The following NRXN3 variants were observed in gnomAD, a reference collection of about 807,000 sequenced individuals.
NRXN3 encodes neurexin 3.
NRXN3 carries 32 observed loss-of-function variants against 137.6 expected under a neutral mutation model. The observed-to-expected ratio is 0.23, with a 90% confidence interval of 0.18 to 0.31. NRXN3 has a LOEUF of 0.31. Among genes scored for constraint, NRXN3 ranks in the 10% least tolerant of loss-of-function variants. The probability of loss-of-function intolerance (pLI) is 1.00; values close to 1 mark genes in which losing one functional copy is unlikely to be tolerated. For synonymous variants in NRXN3, 798 were observed against 784.5 expected (o/e 1.02, Z -0.29); for missense variants, 1,574 against 2,062.5 (o/e 0.76, Z 4.59).
At chr14:78,876,139 C>T (rs2099113452) in intron 10 of NRXN3, among the ~76,000 whole-genome samples, 1 of 152,170 alleles carries the variant, frequency 6.6e-6, no homozygotes, top group Non-Finnish European at 1.5e-5. Flanking sequence ...TCAGCAAAGC[C>T]TGGTTTTCTT....
intron 8 of NRXN3, among the ~76,000 whole-genome samples, chr14:78,797,266 G>A (rs1368717032): frequency 1.3e-5 from 2 of 152,152 alleles, no homozygotes; most frequent in African/African-American, 2.4e-5. Context: ...GAGGAACAGG[G>A]TTAGTGTCCA....
chr14:78,644,412 T>C (rs913006047), intron 4 of NRXN3, among the ~76,000 whole-genome samples: 1 of 152,138 alleles, frequency 6.6e-6, no homozygotes, highest in Non-Finnish European at 1.5e-5. Context: ...TCTGTGGCCA[T>C]AGGATAGTCC....
chr14:79,853,437 G>C, intron 20 of NRXN3: 1 of 368,422 alleles, frequency 2.7e-6, no homozygotes, highest in Non-Finnish European at 4.5e-6. Context: ...TTGCAGCTTA[G>C]GGTGTGTGAG....
chr14:79,008,948 C>T (rs1384611322), intron 15 of NRXN3, among the ~76,000 whole-genome samples: 4 of 152,124 alleles, frequency 2.6e-5, no homozygotes, highest in African/African-American at 4.8e-5. Flanking sequence ...TGAGCCACCA[C>T]GCCTGGCCTG....
At chr14:79,467,505 G>A in intron 16 of NRXN3, 103 bp downstream of exon 16, 3 of 1,014,152 alleles carry the variant, frequency 3.0e-6, no homozygotes, top group Non-Finnish European at 4.2e-6. Flanking sequence ...TGGCAAAGGT[G>A]CACATGCTTA....
chr14:78,846,590 T>C (rs1478781953), intron 10 of NRXN3, among the ~76,000 whole-genome samples: 2 of 152,146 alleles, frequency 1.3e-5, no homozygotes, highest in East Asian at 1.9e-4. Flanking sequence ...CATGAATTCC[T>C]TTATCTTTCC....
chr14:78,992,339 G>C (rs1350063176), intron 15 of NRXN3, among the ~76,000 whole-genome samples: 3 of 152,206 alleles, frequency 2.0e-5, no homozygotes, highest in Non-Finnish European at 4.4e-5. Context: ...TGGCTATTCA[G>C]AGGGTGAGCA....
At chr14:79,638,354 T>C (rs563465145) in intron 16 of NRXN3, among the ~76,000 whole-genome samples, 52 of 152,178 alleles carry the variant, frequency 3.4e-4, no homozygotes, top group Non-Finnish European at 1.8e-4. Flanking sequence ...TCTACTTATG[T>C]GATCTTATTC....
intron 15 of NRXN3, among the ~76,000 whole-genome samples, chr14:79,376,162 T>C (rs1310835696): frequency 6.9e-6 from 1 of 145,360 alleles, no homozygotes; most frequent in Non-Finnish European, 1.5e-5. Flanking sequence ...TATGTGTATA[T>C]ATGCAAGATA....
chr14:78,429,186 C>T (rs895274323), intron 4 of NRXN3, among the ~76,000 whole-genome samples: 13 of 152,012 alleles, frequency 8.6e-5, no homozygotes, highest in African/African-American at 1.7e-4. Context: ...AAGCAATTCT[C>T]GTGCCTCTGC....
intron 15 of NRXN3, among the ~76,000 whole-genome samples, chr14:79,163,685 T>C (rs1045032132): frequency 6.6e-6 from 1 of 151,870 alleles, no homozygotes; most frequent in Non-Finnish European, 1.5e-5. Flanking sequence ...GCTGTGTGAA[T>C]ATTATAACTG....
intron 1 of NRXN3, among the ~76,000 whole-genome samples, chr14:78,226,820 C>A (rs2064737741): frequency 6.6e-6 from 1 of 152,106 alleles, no homozygotes; most frequent in Non-Finnish European, 1.5e-5. Flanking sequence ...GGGGCTTCTA[C>A]CTTTTGAGGA....
At chr14:78,926,854 T>C (rs1287787192) in intron 10 of NRXN3, among the ~76,000 whole-genome samples, 3 of 24,826 alleles carry the variant, frequency 1.2e-4, no homozygotes, top group Non-Finnish European at 1.8e-4. Flanking sequence ...TAATATATTA[T>C]ATATATAATA....
At chr14:79,706,945 C>T (rs563930655) in intron 19 of NRXN3, among the ~76,000 whole-genome samples, 2 of 152,258 alleles carry the variant, frequency 1.3e-5, no homozygotes, top group South Asian at 4.1e-4. Context: ...TTTATGCACT[C>T]TTAACCTGTC....
intron 4 of NRXN3, among the ~76,000 whole-genome samples, chr14:78,415,443 G>T (rs1035940474): frequency 1.3e-5 from 2 of 152,038 alleles, no homozygotes; most frequent in African/African-American, 4.8e-5. Flanking sequence ...TGGGTAAGCC[G>T]TCCAGTTAGT....
intron 3 of NRXN3, among the ~76,000 whole-genome samples, chr14:78,291,399 C>T (rs1162082113): frequency 3.9e-5 from 6 of 152,200 alleles, no homozygotes; most frequent in African/African-American, 1.4e-4. Context: ...ATTCTCTTTA[C>T]CAAGTTAACT....
chr14:79,767,765 G>A (rs2099061059), intron 19 of NRXN3, among the ~76,000 whole-genome samples: 1 of 152,198 alleles, frequency 6.6e-6, no homozygotes, highest in Non-Finnish European at 1.5e-5. Flanking sequence ...TCAGGGGGGA[G>A]GAGCCAAGAT....
intron 16 of NRXN3, among the ~76,000 whole-genome samples, chr14:79,557,563 A>G (rs1351061387): frequency 6.6e-6 from 1 of 152,232 alleles, no homozygotes; most frequent in Non-Finnish European, 1.5e-5. Context: ...TATAAAATTT[A>G]CGTTGACATT....
intron 15 of NRXN3, among the ~76,000 whole-genome samples, chr14:79,093,798 T>C (rs974112690): frequency 1.4e-5 from 1 of 69,278 alleles, no homozygotes; most frequent in African/African-American, 4.0e-5. Flanking sequence ...TGGAGCTTGC[T>C]CACCCTATCT....
Sources: allele counts gnomAD v4.1 joint callset (sites outside exome capture counted in the v4.1 genomes callset), GRCh38; gene constraint gnomAD v4.1.1; transcripts MANE v1.5; gene names NCBI Gene and HGNC (gene_info 2026-07-23, HGNC 2026-07-21).